Variants in TDRD3 observed in about 807,000 individuals in gnomAD.
TDRD3 encodes the protein tudor domain containing 3.
Under a neutral mutation model 86.7 loss-of-function variants are expected in TDRD3, and 45 were observed. The ratio of observed to expected loss-of-function variants is 0.52; its 90% CI spans 0.41 to 0.67. The LOEUF is 0.67. Ranked by LOEUF, TDRD3 falls within the 30% of genes least tolerant of loss-of-function variation. The probability of loss-of-function intolerance (pLI) is 0.00; values close to 1 mark genes in which losing one functional copy is unlikely to be tolerated. For missense variants in TDRD3, 814 were observed against 889.0 expected, an observed-to-expected ratio of 0.92 and a Z score of 1.07; for synonymous variants, 298 against 301.7, an observed-to-expected ratio of 0.99 and a Z score of 0.13.
chr13:60,417,824 A>G (rs1954562533), intron 1 of TDRD3, among the ~76,000 whole-genome samples: 1 of 151,968 alleles, frequency 6.6e-6, no homozygotes, highest in Non-Finnish European at 1.5e-5. Flanking sequence ...TCTTCTCTTT[A>G]CACTCTTGTT....
intron 6 of TDRD3, 104 bp from the exon 7 acceptor site, chr13:60,485,695 A>G (rs554336433): frequency 6.7e-6 from 6 of 899,212 alleles, no homozygotes; most frequent in East Asian, 6.3e-5. Flanking sequence ...GCTTTTAGCT[A>G]TTGTAAAAGA....
intron 11 of TDRD3, 84 bp from the exon 12 acceptor site, chr13:60,535,024 C>A: frequency 2.0e-6 from 3 of 1,498,904 alleles, no homozygotes; most frequent in Non-Finnish European, 1.8e-6. Context: ...CATTGGAACA[C>A]TTTAAAAATT....
intron 12 of TDRD3, among the ~76,000 whole-genome samples, chr13:60,543,461 G>T (rs966899382): frequency 6.6e-6 from 1 of 152,086 alleles, no homozygotes; most frequent in Non-Finnish European, 1.5e-5. Flanking sequence ...GATATATAAT[G>T]TATGTGTTTC....
At chr13:60,401,849 A>G (rs1037070958) in intron 1 of TDRD3, among the ~76,000 whole-genome samples, 1 of 152,150 alleles carries the variant, frequency 6.6e-6, no homozygotes, top group Non-Finnish European at 1.5e-5. Context: ...CTTTCCCTTC[A>G]TTTCACCTTT....
At chr13:60,446,686 G>A (rs1345468832) in intron 3 of TDRD3, among the ~76,000 whole-genome samples, 1 of 151,960 alleles carries the variant, frequency 6.6e-6, no homozygotes, top group Non-Finnish European at 1.5e-5. Flanking sequence ...TTTGTCTTTA[G>A]CTAAAAATCC....
At chr13:60,500,649 G>A (rs1439530133) in intron 8 of TDRD3, among the ~76,000 whole-genome samples, 2 of 152,192 alleles carry the variant, frequency 1.3e-5, no homozygotes, top group African/African-American at 4.8e-5. Context: ...ATGGCGAAAT[G>A]TGCGATTATA....
At chr13:60,531,808 T>G (rs915776444) in intron 11 of TDRD3, among the ~76,000 whole-genome samples, 9 of 152,094 alleles carry the variant, frequency 5.9e-5, no homozygotes, top group Non-Finnish European at 2.9e-5. Flanking sequence ...CTAATATCCT[T>G]TAAAAAGTTA....
intron 2 of TDRD3, among the ~76,000 whole-genome samples, chr13:60,442,566 A>G (rs1036494628): frequency 6.6e-6 from 1 of 152,156 alleles, no homozygotes; most frequent in African/African-American, 2.4e-5. Flanking sequence ...TCTGAATAAT[A>G]AAGTTGTCTT....
At chr13:60,509,541 G>A (rs1957012993) in intron 8 of TDRD3, 6 of 514,540 alleles carry the variant, frequency 1.2e-5, no homozygotes, top group Non-Finnish European at 2.1e-5. Context: ...TGCTTTTGCA[G>A]TGTTACTTGT....
At chr13:60,497,767 T>G (rs376230602) in intron 8 of TDRD3, among the ~76,000 whole-genome samples, 2 of 152,264 alleles carry the variant, frequency 1.3e-5, no homozygotes, top group Admixed American at 6.5e-5. Flanking sequence ...GTTTGTAAAC[T>G]CTGATGAATT....
intron 12 of TDRD3, among the ~76,000 whole-genome samples, chr13:60,561,343 A>G (rs571145681): frequency 6.6e-6 from 1 of 152,300 alleles, no homozygotes; most frequent in East Asian, 1.9e-4. Flanking sequence ...TGGCTCTTCC[A>G]CTAGCTCATT....
At chr13:60,397,205 G>A (rs989755863), upstream of TDRD3, 83 of 425,366 alleles carry the variant, frequency 2.0e-4, no homozygotes, top group African/African-American at 1.6e-3. Flanking sequence ...ACCCGCACGC[G>A]GAAGCGCCGG....
intron 1 of TDRD3, among the ~76,000 whole-genome samples, chr13:60,408,146 T>C (rs1376302629): frequency 2.0e-5 from 3 of 152,126 alleles, no homozygotes; most frequent in Admixed American, 6.5e-5. Context: ...TTTCCACTTT[T>C]GTTTCTTCCT....
intron 13 of TDRD3, among the ~76,000 whole-genome samples, chr13:60,570,595 T>G (rs554024756): frequency 1.3e-5 from 2 of 152,360 alleles, no homozygotes; most frequent in South Asian, 2.1e-4. Context: ...GGTATTTTAT[T>G]TCTTTTTAAT....
intron 11 of TDRD3, among the ~76,000 whole-genome samples, 181 bp from the exon 12 acceptor site, chr13:60,534,927 C>CAAAA (rs75394722): frequency 9.1e-5 from 5 of 54,694 alleles, no homozygotes; most frequent in African/African-American, 1.3e-4. Flanking sequence ...GACCCTGTCT[C>CAAAA]AAAAAAAAAA....
At chr13:60,540,977 T>G (rs1412533538) in intron 12 of TDRD3, among the ~76,000 whole-genome samples, 2 of 152,202 alleles carry the variant, frequency 1.3e-5, no homozygotes, top group Non-Finnish European at 2.9e-5. Context: ...GTTTCTAACT[T>G]TAATTACAAT....
Position 60,435,067 on chromosome 13 carries a change from G to T in TDRD3, c.42-4621G>T, listed in dbSNP as rs572697175. Among the ~76,000 whole-genome samples the T allele has an allele frequency of 7.2e-5, 11 of 152,252 alleles. No individual in the cohort carries two copies. In the South Asian group the frequency reaches 2.1e-3, roughly 29 times the overall value. On this transcript the variant is annotated intron_variant, in intron 1 of 13. Coordinates refer to ENST00000377881, the MANE Select transcript of TDRD3 (RefSeq NM_001146070.2). ...TTTTAAATGTTTATAAAAATGAAAA[G>T]ATTAATTTGTAAATCCCAAATTATT...
At chr13:60,404,310 G>A (rs925433451) in intron 1 of TDRD3, among the ~76,000 whole-genome samples, 5 of 146,668 alleles carry the variant, frequency 3.4e-5, no homozygotes, top group Admixed American at 6.8e-5. Flanking sequence ...TGGTTTGTTT[G>A]CTTTTTTTTT....
chr13:60,477,197 G>GTTA (rs558977736), intron 5 of TDRD3, among the ~76,000 whole-genome samples: 11,316 of 144,250 alleles, frequency 0.078, 503 homozygotes, highest in South Asian at 0.11. Context: ...GTTATAGATG[G>GTTA]TTATTATTAT....
Sources: allele counts gnomAD v4.1 joint callset (sites outside exome capture counted in the v4.1 genomes callset), GRCh38; gene constraint gnomAD v4.1.1; transcripts MANE v1.5; gene names NCBI Gene and HGNC (gene_info 2026-07-23, HGNC 2026-07-21).